The following PLEKHH1 variants were observed in gnomAD, a reference collection of about 807,000 sequenced individuals.
PLEKHH1 encodes the protein pleckstrin homology, MyTH4 and FERM domain containing H1.
In PLEKHH1, 104 loss-of-function variants were observed where a neutral mutation model predicts 160.0. The ratio of observed to expected loss-of-function variants is 0.65; its 90% CI spans 0.55 to 0.76. The LOEUF (loss-of-function observed/expected upper bound fraction) is 0.76, where lower values mean the gene tolerates loss of function less well. Among genes scored for constraint, PLEKHH1 ranks in the 30% least tolerant of loss-of-function variants. The probability of loss-of-function intolerance (pLI) is 0.00; values close to 1 mark genes in which losing one functional copy is unlikely to be tolerated. For synonymous variants in PLEKHH1, 619 were observed against 678.4 expected (o/e 0.91, Z 1.36); for missense variants, 1,427 against 1,724.1 (o/e 0.83, Z 3.05).
In PLEKHH1 at chr14:67,582,033, C is replaced by T. The variant is rs536860983; in HGVS notation, c.3285-36C>T. On this transcript the variant is annotated intron_variant, in intron 23 of 28. Transcript: ENST00000329153. The surrounding 1 kb of genome is among the most constrained non-coding windows in gnomAD (Gnocchi z 5.0). ...AAAGCCCCATCCCTGTTTGGAATCCCTGCTGAGTCCTGGTTTCTTATTCTC... is the reference window on the plus strand; with the variant it reads ...AAAGCCCCATCCCTGTTTGGAATCCTTGCTGAGTCCTGGTTTCTTATTCTC... The T allele has an allele frequency of 1.3e-6, 2 of 1,587,924 alleles. No individual in the cohort carries two copies. The highest frequency in any genetic ancestry group is 1.1e-5 in the South Asian group (1 of 87,664).
Position 67,554,179 on chromosome 14 carries a change from T to C in PLEKHH1, c.127-1646T>C, listed in dbSNP as rs112287536. On this transcript the variant is annotated intron_variant, in intron 2 of 28. Transcript: ENST00000329153. ...CAAAGAGATCCCCCAGGTTCCCAAA[T>C]ATGAACTACTGCTTCCATGTAACTT... is the stretch of plus-strand genomic sequence containing the variant. 1.6e-3 allele frequency among the ~76,000 whole-genome samples: 250 copies of C among 152,304 alleles called. 2 individuals are homozygous for C. The highest frequency in any genetic ancestry group is 5.7e-3 in the African/African-American group (235 of 41,558).
intron 2 of PLEKHH1, among the ~76,000 whole-genome samples, chr14:67,546,669 C>T (rs1424659832): frequency 3.3e-5 from 5 of 152,184 alleles, no homozygotes; most frequent in Admixed American, 6.5e-5. Context: ...GGATTGCAGG[C>T]GTGAGCCACC....
At position 67,585,689 on chromosome 14, in the gene PLEKHH1, C is replaced by T. The variant is rs1199729982; in HGVS notation, c.3786+35C>T. The T allele has an allele frequency of 4.3e-6, 6 of 1,399,848 alleles. No homozygotes were observed. The Admixed American group carries it at 5.9e-5, about 14-fold the overall frequency. 86.7% of individuals were successfully genotyped at this position (1,399,848 alleles called of 1,614,324 possible). Reference sequence around the variant, plus strand: ...GATGCAGGCTGCTCCCTGACCCCTCCTCTTCCTCAACATGGTCTTTTCTTC... The same window carrying T: ...GATGCAGGCTGCTCCCTGACCCCTCTTCTTCCTCAACATGGTCTTTTCTTC... On this transcript the variant is annotated intron_variant, in intron 27 of 28. Coordinates refer to ENST00000329153, the MANE Select transcript of PLEKHH1 (RefSeq NM_020715.3).
chr14:67,540,090 G>A (rs542072682), intron 1 of PLEKHH1, among the ~76,000 whole-genome samples: 93 of 152,214 alleles, frequency 6.1e-4, no homozygotes, highest in African/African-American at 2.2e-3. Flanking sequence ...GAAGGAAAAG[G>A]GGATTTTGAA....
chr14:67,569,012 G>C, intron 7 of PLEKHH1, 126 bp from the exon 8 acceptor site: 1 of 613,492 alleles, frequency 1.6e-6, no homozygotes, highest in South Asian at 2.0e-5. Flanking sequence ...CCCAAGATTT[G>C]TTAGCCAGTC....
Position 67,573,300 on chromosome 14 carries a change from C to T in PLEKHH1, c.1753C>T (p.Leu585=). 6.2e-7 allele frequency: 1 copy of T among 1,613,362 alleles called. No individual in the cohort carries two copies. The highest frequency in any genetic ancestry group is 8.5e-7 in the Non-Finnish European group (1 of 1,179,510). Reference sequence around the variant, plus strand: ...GGAGTCACTGGAGAAGTCGGGCTACCTGCTGAAAATGGGGAGCCAGGTGAA... The same window carrying T: ...GGAGTCACTGGAGAAGTCGGGCTACTTGCTGAAAATGGGGAGCCAGGTGAA... The part of the protein sequence containing the change: ...GGESLEKSGY[L]LKMGSQVKTW... Residue 585 remains leucine, a synonymous_variant, in exon 12 of 29, where the codon CTG becomes TTG. Transcript: ENST00000329153. The surrounding 1 kb of genome is among the most constrained non-coding windows in gnomAD (Gnocchi z 4.8).
At chr14:67,585,682 A>AC in intron 27 of PLEKHH1, 28 bp downstream of exon 27, 1 of 1,431,588 alleles carries the variant, frequency 7.0e-7, no homozygotes, top group Non-Finnish European at 9.6e-7. Flanking sequence ...CTGCTCCCTG[A>AC]CCCCTCCTCT....
At chr14:67,566,444 A>T (rs897652558) in intron 7 of PLEKHH1, among the ~76,000 whole-genome samples, 1 of 152,084 alleles carries the variant, frequency 6.6e-6, no homozygotes, top group Non-Finnish European at 1.5e-5. Context: ...TCACTGTGAT[A>T]GCTTAAGAGT....
chr14:67,577,443 G>C (rs199726078), intron 18 of PLEKHH1, 29 bp downstream of exon 18: 1 of 1,353,242 alleles, frequency 7.4e-7, no homozygotes, highest in Non-Finnish European at 1.0e-6. Flanking sequence ...CAGGCCCACC[G>C]CTGGGATACT....
intron 1 of PLEKHH1, 48 bp downstream of exon 1, chr14:67,533,446 C>G (rs922767588): frequency 6.6e-6 from 1 of 151,928 alleles, no homozygotes; most frequent in African/African-American, 2.4e-5. Context: ...GGCTGCGCCG[C>G]GGCGGAGGGC....
chr14:67,587,021 A>AG, intron 28 of PLEKHH1, 53 bp from the exon 29 acceptor site: 3 of 1,533,828 alleles, frequency 2.0e-6, no homozygotes, highest in Non-Finnish European at 2.7e-6. Flanking sequence ...TAAGAAAGCC[A>AG]GGATTCAAGC....
intron 1 of PLEKHH1, among the ~76,000 whole-genome samples, chr14:67,539,833 T>A (rs1311408563): frequency 6.6e-6 from 1 of 152,214 alleles, no homozygotes; most frequent in Non-Finnish European, 1.5e-5. Context: ...CAACAGTGCT[T>A]ACCTATTGTT....
At chr14:67,537,346 A>AAATAAC (rs2033770972) in intron 1 of PLEKHH1, among the ~76,000 whole-genome samples, 1 of 126,602 alleles carries the variant, frequency 7.9e-6, no homozygotes, top group Non-Finnish European at 1.6e-5. Flanking sequence ...TCCATCTCAA[A>AAATAAC]AATAATAATA....
chr14:67,588,600 G>A lies in PLEKHH1; in HGVS notation c.*1365G>A, dbSNP rs1473380966. ...GACAGTCTCCTCTAGACAGGTTGTA[G>A]ACACACCCTCCCCTAACAAAAACAA... is the stretch of plus-strand genomic sequence containing the variant. On this transcript the variant is annotated 3_prime_UTR_variant, in exon 29 of 29. Transcript: ENST00000329153. 1 of 152,078 alleles carries A rather than the reference G, an allele frequency of 6.6e-6. No homozygotes were observed. Among genetic ancestry groups the A allele is most frequent in the Non-Finnish European group, 1.5e-5 (1 of 68,020 alleles). 9.4% of individuals were successfully genotyped at this position (152,078 alleles called of 1,614,324 possible).
intron 1 of PLEKHH1, among the ~76,000 whole-genome samples, chr14:67,534,572 C>G (rs2033622058): frequency 6.6e-6 from 1 of 152,060 alleles, no homozygotes; most frequent in Admixed American, 6.6e-5. Context: ...AACTGAAACC[C>G]AAGCCTCCTA....
Position 67,561,957 on chromosome 14 carries a change from G to C in PLEKHH1, c.427G>C (p.Glu143Gln), listed in dbSNP as rs1210335190. 5 of 1,612,182 alleles carry C rather than the reference G, an allele frequency of 3.1e-6. No individual in the cohort carries two copies. In the South Asian group the frequency reaches 5.5e-5, roughly 18 times the overall value. The change falls in exon 6 of 29, where the codon GAG becomes CAG. Residue 143 changes from glutamate (E) to glutamine (Q), a missense_variant. By Grantham distance (29) the Glu-to-Gln change is conservative. This residue lies in a region of PLEKHH1 where 831 missense variants were observed against 929.2 expected (regional missense o/e 0.89). Coordinates refer to ENST00000329153, the MANE Select transcript of PLEKHH1 (RefSeq NM_020715.3). ...EWVTLKLAKLEMENQHLKSHN... is the reference protein window; with the variant it reads ...EWVTLKLAKLQMENQHLKSHN... Reference sequence around the variant, plus strand: ...CTTCATTTTTCTTTTTGCTCAGCTTGAGATGGAGAATCAGCATCTGAAAAG... The same window carrying C: ...CTTCATTTTTCTTTTTGCTCAGCTTCAGATGGAGAATCAGCATCTGAAAAG...
intron 2 of PLEKHH1, among the ~76,000 whole-genome samples, chr14:67,542,230 C>T (rs578027700): frequency 5.9e-5 from 9 of 152,350 alleles, no homozygotes; most frequent in African/African-American, 2.2e-4. Context: ...CCAATCTTCT[C>T]GGTCCCCCAT....
intron 11 of PLEKHH1, among the ~76,000 whole-genome samples, chr14:67,572,998 C>G (rs562418694): frequency 2.1e-4 from 32 of 152,298 alleles, no homozygotes; most frequent in African/African-American, 7.2e-4. Flanking sequence ...CCTGGCCAGG[C>G]TCTCCCTCTA....
At chr14:67,575,525 T>A (rs1258087059) in intron 15 of PLEKHH1, 53 bp downstream of exon 15, 8 of 1,113,196 alleles carry the variant, frequency 7.2e-6, no homozygotes, top group Non-Finnish European at 9.4e-6. Flanking sequence ...CCGAAGCACA[T>A]GACTGCCACT....
Sources: allele counts gnomAD v4.1 joint callset (sites outside exome capture counted in the v4.1 genomes callset), GRCh38; gene constraint gnomAD v4.1.1; regional missense constraint gnomAD v4.1.1; non-coding constraint Gnocchi (gnomAD v3.1); transcripts MANE v1.5; gene names NCBI Gene and HGNC (gene_info 2026-07-23, HGNC 2026-07-21).